The following ELOA variants were observed in gnomAD, a reference collection of about 807,000 sequenced individuals.
ELOA encodes the protein elongin A.
In ELOA, 15 loss-of-function variants were observed where a neutral mutation model predicts 85.2. That is an observed-to-expected ratio of 0.18 (90% CI 0.12 to 0.27). ELOA has a LOEUF of 0.27. Among genes scored for constraint, ELOA ranks in the 10% least tolerant of loss-of-function variants. The probability of loss-of-function intolerance (pLI) is 1.00; values close to 1 mark genes in which losing one functional copy is unlikely to be tolerated. For synonymous variants in ELOA, 348 were observed against 357.2 expected (o/e 0.97, Z 0.29); for missense variants, 769 against 952.7 (o/e 0.81, Z 2.54).
At chr1:23,745,124 G>C (rs143028701) in intron 1 of ELOA, among the ~76,000 whole-genome samples, 13 of 152,272 alleles carry the variant, frequency 8.5e-5, no homozygotes, top group African/African-American at 3.1e-4. Flanking sequence ...TTACAAATCT[G>C]GGAAAACTTA....
intron 1 of ELOA, among the ~76,000 whole-genome samples, chr1:23,746,556 G>A (rs999331625): frequency 2.1e-5 from 3 of 140,482 alleles, no homozygotes; most frequent in Non-Finnish European, 4.5e-5. Context: ...GCAGTGAGCC[G>A]AGATGGCACC....
At chr1:23,758,503 G>C (rs1160060395) in intron 10 of ELOA, among the ~76,000 whole-genome samples, 1 of 149,348 alleles carries the variant, frequency 6.7e-6, no homozygotes, top group East Asian at 2.0e-4. Context: ...TCGAACCCCT[G>C]ACCTTGTGAT....
In ELOA at chr1:23,754,082, G is replaced by C. The variant is rs763219140; in HGVS notation, c.1538-18G>C. 1 of 1,612,822 alleles carries C rather than the reference G, an allele frequency of 6.2e-7. No individual in the cohort carries two copies. The highest frequency in any genetic ancestry group is 1.1e-5 in the South Asian group (1 of 90,926). ...CACTGGATCACTTAGGGCCTTTTGT[G>C]TTTTTCTTGCCCTATAGCGTTCTCT... On this transcript the variant is annotated intron_variant, in intron 5 of 10. Coordinates refer to ENST00000613537, the MANE Select transcript of ELOA (RefSeq NM_003198.3).
intron 9 of ELOA, 125 bp downstream of exon 9, chr1:23,756,510 C>G: frequency 1.3e-6 from 1 of 782,526 alleles, no homozygotes; most frequent in Non-Finnish European, 2.1e-6. Context: ...GGAGGCAGAC[C>G]TCATCAGCTC....
In ELOA at chr1:23,743,537, A is replaced by C; in HGVS notation, c.34A>C (p.Lys12Gln). The part of the protein sequence containing the change: ...AAESALQVVE[K>Q]LQARLAANPD... ...GGAGTCGGCGCTCCAAGTTGTGGAG[A>C]AGCTGCAGGCGCGCCTGGCCGCGAA... is the stretch of plus-strand genomic sequence containing the variant. Residue 12 changes from lysine to glutamine, a missense_variant, in exon 1 of 11, where the codon AAG becomes CAG. Physicochemically the swap from Lys to Gln is moderately conservative, Grantham distance 53 (BLOSUM62 1). Coordinates refer to ENST00000613537, the MANE Select transcript of ELOA (RefSeq NM_003198.3). The C allele has an allele frequency of 6.7e-7, 1 of 1,500,446 alleles. No homozygotes were observed. Among genetic ancestry groups the C allele is most frequent in the African/African-American group, 1.4e-5 (1 of 69,128 alleles). The allele number at this position is 1,500,446 out of a possible 1,614,324, so 92.9% of individuals were successfully genotyped here.
Position 23,757,113 on chromosome 1 carries a change from C to A in ELOA, c.2245C>A (p.Pro749Thr). 1 of 1,560,610 alleles carries A rather than the reference C, an allele frequency of 6.4e-7. No individual in the cohort carries two copies. The highest frequency in any genetic ancestry group is 1.2e-5 in the South Asian group (1 of 83,076). Reference protein sequence around the residue: ...SSTVSYDPRKPTVKKIAPMMA... With the variant: ...SSTVSYDPRKTTVKKIAPMMA... ...CACTGTTTCCTATGATCCTAGGAAACCCACTGTGAAGAGTAAGTAACTTGG... is the reference window on the plus strand; with the variant it reads ...CACTGTTTCCTATGATCCTAGGAAAACCACTGTGAAGAGTAAGTAACTTGG... Residue 749 changes from proline (P) to threonine (T), a missense_variant, in exon 10 of 11, where the codon CCC becomes ACC. By Grantham distance (38) the Pro-to-Thr change is conservative. Coordinates refer to ENST00000613537, the MANE Select transcript of ELOA (RefSeq NM_003198.3).
rs143001257 is a variant in ELOA, at chr1:23,749,911, C to G, written c.202C>G (p.Leu68Val). The G allele has an allele frequency of 3.1e-6, 5 of 1,613,824 alleles. No individual in the cohort carries two copies. The highest frequency in any genetic ancestry group is 1.7e-5 in the Admixed American group (1 of 60,004). The change falls in exon 3 of 11, where the codon CTA becomes GTA. Residue 68 changes from leucine to valine, a missense_variant. By Grantham distance (32) the Leu-to-Val change is conservative (BLOSUM62 1). This residue lies in a region of ELOA where 440 missense variants were observed against 474.0 expected (regional missense o/e 0.93). Coordinates refer to ENST00000613537, the MANE Select transcript of ELOA (RefSeq NM_003198.3). ...HEHVGSFARD[L>V]VAQWKKLVPV... ...GCATGTTGGAAGCTTTGCCAGGGAC[C>G]TAGTGGCCCAGTGGAAGAAGCTGGT...
At chr1:23,757,653 C>T (rs1164006068) in intron 10 of ELOA, among the ~76,000 whole-genome samples, 1 of 152,074 alleles carries the variant, frequency 6.6e-6, no homozygotes, top group Non-Finnish European at 1.5e-5. Context: ...TGCCCACCAC[C>T]ATGCCCACCT....
rs1027454754 is a variant in ELOA at position 23,752,413 on chromosome 1, G to A, written c.1432G>A (p.Asp478Asn). 5 of 1,613,860 alleles carry A rather than the reference G, an allele frequency of 3.1e-6. No individual in the cohort carries two copies. In the African/African-American group the frequency reaches 5.3e-5, roughly 17 times the overall value. The change falls in exon 5 of 11, where the codon GAT (aspartate) becomes AAT (asparagine). Residue 478 changes from aspartate (D) to asparagine (N), a missense_variant. By Grantham distance (23) the Asp-to-Asn change is conservative. Around this residue, in one of 4 missense-constraint regions of ELOA, gnomAD observed 193 missense variants for 278.9 expected, o/e 0.69. Transcript: ENST00000613537. The stretch of plus-strand genomic sequence containing the variant: ...ATGGGTCTGTCCCCTGCAGGTGCCT[G>A]ATGTGTTGCCAGTGTTGCCAGACCT... ...ADLAKLRKVP[D>N]VLPVLPDLPL...
Position 23,751,511 on chromosome 1 carries a change from G to A in ELOA, c.906G>A (p.Lys302=). Residue 302 remains lysine (K), a synonymous_variant, in exon 4 of 11, where the codon AAG becomes AAA. Transcript: ENST00000613537. ...CCTCTAGTGGCGTAAAGAAAGAGAAGGACAGAGAGGGCAGCAGCCTGAAGA... is the reference window on the plus strand; with the variant it reads ...CCTCTAGTGGCGTAAAGAAAGAGAAAGACAGAGAGGGCAGCAGCCTGAAGA... ...KPPSSGVKKE[K]DREGSSLKKK... 6.2e-7 allele frequency: 1 copy of A among 1,614,126 alleles called. No homozygotes were observed. The highest frequency in any genetic ancestry group is 8.5e-7 in the Non-Finnish European group (1 of 1,180,050).
In ELOA at chr1:23,759,748, C is replaced by A; in HGVS notation, c.*175C>A. The A allele has an allele frequency of 1.6e-6, 1 of 635,694 alleles. No individual in the cohort carries two copies. 39.4% of individuals were successfully genotyped at this position (635,694 alleles called of 1,614,324 possible). On this transcript the variant is annotated 3_prime_UTR_variant, in exon 11 of 11. Transcript: ENST00000613537. ...GAACCTGCGTGCCACAGCCCCGCCT[C>A]CCTGCCTGGAGCACACTTTAGAATT...
chr1:23,751,423 A>T lies in ELOA; in HGVS notation c.818A>T (p.Lys273Met), dbSNP rs552843966. 3.8e-5 allele frequency: 62 copies of T among 1,614,146 alleles called. No individual in the cohort carries two copies. The South Asian group carries it at 5.5e-4, about 14-fold the overall frequency. ...ASVVSREKSH[K>M]ALSKEENRRP... ...GTGGTGAGCAGAGAGAAATCACACA[A>T]GGCCCTCTCCAAAGAGGAGAACCGA... Residue 273 changes from lysine to methionine, a missense_variant, in exon 4 of 11, where the codon AAG becomes ATG. Transcript: ENST00000613537.
intron 10 of ELOA, among the ~76,000 whole-genome samples, chr1:23,758,249 T>TTG (rs1638234397): frequency 1.8e-5 from 1 of 55,848 alleles, no homozygotes; most frequent in African/African-American, 8.0e-5. Context: ...GTCTTCCAAT[T>TTG]TATTTATTTA....
intron 10 of ELOA, among the ~76,000 whole-genome samples, chr1:23,757,715 G>A (rs1042802476): frequency 6.6e-6 from 1 of 151,852 alleles, no homozygotes; most frequent in African/African-American, 2.4e-5. Context: ...TAGCCAGGAT[G>A]GTCTCGATCT....
At position 23,751,392 on chromosome 1, in the gene ELOA, G is replaced by C. The variant is rs772939089; in HGVS notation, c.787G>C (p.Ala263Pro). Reference sequence around the variant, plus strand: ...CGTGGATGCCAAGAGTGATGAGAAGGCCTCTGTGGTGAGCAGAGAGAAATC... The same window carrying C: ...CGTGGATGCCAAGAGTGATGAGAAGCCCTCTGTGGTGAGCAGAGAGAAATC... ...RPVDAKSDEK[A>P]SVVSREKSHK... The change falls in exon 4 of 11, where the codon GCC becomes CCC. Residue 263 changes from alanine (A) to proline (P), a missense_variant. Transcript: ENST00000613537. The C allele has an allele frequency of 4.3e-6, 7 of 1,614,180 alleles. No individual in the cohort carries two copies. Among genetic ancestry groups the C allele is most frequent in the Non-Finnish European group, 5.9e-6 (7 of 1,180,040 alleles).
At chr1:23,755,272 TTGC>T (rs1190153030) in intron 7 of ELOA, among the ~76,000 whole-genome samples, 2 of 152,172 alleles carry the variant, frequency 1.3e-5, no homozygotes, top group Non-Finnish European at 2.9e-5. Flanking sequence ...GTTCTACCCT[TTGC>T]TGATTTTCTA....
rs1313532562 is a variant in ELOA at position 23,756,932 on chromosome 1, CAG to C, written c.2085-20_2085-19del. The C allele has an allele frequency of 4.1e-6, 6 of 1,469,078 alleles. No individual in the cohort carries two copies. The highest frequency in any genetic ancestry group is 2.6e-5 in the Admixed American group (1 of 37,938). 91.0% of individuals were successfully genotyped at this position (1,469,078 alleles called of 1,614,324 possible). ...CAGATTTCTTGTGCTCATGCCTAACCAGTGTTGTCCTGTGTTGCAGGATCAAG... is the reference window on the plus strand; with the variant it reads ...CAGATTTCTTGTGCTCATGCCTAACCTGTTGTCCTGTGTTGCAGGATCAAG... On this transcript the variant is annotated intron_variant, in intron 9 of 10. Transcript: ENST00000613537.
chr1:23,749,122 C>A, intron 2 of ELOA, 45 bp downstream of exon 2: 1 of 1,495,144 alleles, frequency 6.7e-7, no homozygotes, highest in South Asian at 1.1e-5. Flanking sequence ...ATATCCCATT[C>A]CCTTCTCACT....
intron 1 of ELOA, among the ~76,000 whole-genome samples, chr1:23,745,972 C>T (rs1644744229): frequency 6.6e-6 from 1 of 152,152 alleles, no homozygotes; most frequent in East Asian, 1.9e-4. Flanking sequence ...TTTTATGTTT[C>T]ATAGTTCATG....
Sources: gnomAD v4.1 joint callset for allele counts (sites outside exome capture counted in the v4.1 genomes callset) on GRCh38, gnomAD v4.1.1 for gene constraint, gnomAD v4.1.1 regional missense constraint, MANE v1.5 for transcripts, NCBI Gene and HGNC (gene_info 2026-07-23, HGNC 2026-07-21) for gene names.